ADAM32: variants seen among roughly 807,000 people sequenced by gnomAD.
The protein encoded by ADAM32 is ADAM metallopeptidase domain 32.
In ADAM32, 89 loss-of-function variants were observed where a neutral mutation model predicts 114.9. That is an observed-to-expected ratio of 0.77 (90% CI 0.65 to 0.92). The LOEUF is 0.92. ADAM32 is among the 40% of genes least tolerant of loss of function. The pLI, the probability that ADAM32 is intolerant of heterozygous loss-of-function variation, is 0.00. For missense variants in ADAM32, 870 were observed against 932.8 expected, an observed-to-expected ratio of 0.93 and a Z score of 0.88; for synonymous variants, 285 against 307.5, an observed-to-expected ratio of 0.93 and a Z score of 0.77.
At chr8:39,248,731 G>A (rs1333555211) in intron 17 of ADAM32, among the ~76,000 whole-genome samples, 1 of 152,108 alleles carries the variant, frequency 6.6e-6, no homozygotes, top group East Asian at 1.9e-4. Context: ...TAGGAGTGGT[G>A]AGAGGAGACG....
chr8:39,220,484 A>G (rs1808884517), intron 12 of ADAM32, among the ~76,000 whole-genome samples: 1 of 151,896 alleles, frequency 6.6e-6, no homozygotes, highest in African/African-American at 2.4e-5. Context: ...TTGCCTTTCT[A>G]GTTCCTTGAG....
At chr8:39,182,187 T>C (rs1212349893) in intron 10 of ADAM32, among the ~76,000 whole-genome samples, 1 of 152,218 alleles carries the variant, frequency 6.6e-6, no homozygotes, top group Non-Finnish European at 1.5e-5. Flanking sequence ...AAGGCGACAC[T>C]GTAGTGCACT....
chr8:39,158,933 A>T (rs1228115477), intron 6 of ADAM32, among the ~76,000 whole-genome samples: 8 of 151,780 alleles, frequency 5.3e-5, no homozygotes, highest in African/African-American at 1.7e-4. Context: ...GGTTTCCTTT[A>T]GTTTTTTTTA....
At chr8:39,265,472 T>TG (rs1812293166) in intron 19 of ADAM32, among the ~76,000 whole-genome samples, 1 of 152,224 alleles carries the variant, frequency 6.6e-6, no homozygotes, top group Non-Finnish European at 1.5e-5. Context: ...TGTCTTTAAG[T>TG]GGGGCATTTA....
intron 22 of ADAM32, among the ~76,000 whole-genome samples, 186 bp from the exon 23 acceptor site, chr8:39,280,950 T>A (rs1197138427): frequency 6.6e-6 from 1 of 151,748 alleles, no homozygotes; most frequent in Non-Finnish European, 1.5e-5. Context: ...ACCTGGCTAA[T>A]TTTTTGTATT....
intron 10 of ADAM32, among the ~76,000 whole-genome samples, chr8:39,170,656 A>G (rs1805130825): frequency 6.6e-6 from 1 of 152,088 alleles, no homozygotes; most frequent in Admixed American, 6.6e-5. Flanking sequence ...GAAAATTCAT[A>G]TAATTTTGCA....
At chr8:39,131,949 A>G (rs764584393) in intron 2 of ADAM32, 22 of 276,038 alleles carry the variant, frequency 8.0e-5, no homozygotes, top group Non-Finnish European at 1.4e-4. Flanking sequence ...GCTGGAGTGT[A>G]GTGGCACGAT....
chr8:39,128,523 G>A (rs1272662666), intron 2 of ADAM32, among the ~76,000 whole-genome samples: 1 of 152,186 alleles, frequency 6.6e-6, no homozygotes, highest in Non-Finnish European at 1.5e-5. Flanking sequence ...AACATTTAAT[G>A]TTAGTATTGT....
intron 2 of ADAM32, among the ~76,000 whole-genome samples, chr8:39,123,096 T>A (rs1198553922): frequency 2.0e-5 from 3 of 152,198 alleles, no homozygotes; most frequent in African/African-American, 7.2e-5. Context: ...CAGCACTGTT[T>A]GTAGAAAAGA....
At chr8:39,283,772 T>TC in intron 24 of ADAM32, 148 bp downstream of exon 24, 2 of 71,826 alleles carry the variant, frequency 2.8e-5, no homozygotes, top group Non-Finnish European at 2.6e-5. Flanking sequence ...TCTTTTATTC[T>TC]TTTTTTTTTT....
At chr8:39,216,118 C>T (rs1190663823) in intron 12 of ADAM32, among the ~76,000 whole-genome samples, 1 of 151,906 alleles carries the variant, frequency 6.6e-6, no homozygotes, top group Non-Finnish European at 1.5e-5. Context: ...TTGTTATATA[C>T]TCTTGCTGAA....
intron 6 of ADAM32, among the ~76,000 whole-genome samples, chr8:39,156,697 T>A (rs576527877): frequency 3.2e-4 from 48 of 152,306 alleles, no homozygotes; most frequent in Non-Finnish European, 5.4e-4. Context: ...GTTAACTAAG[T>A]TGTAGTTTCT....
rs1813394011 is a variant in ADAM32, at chr8:39,281,114, ATT to A, written c.2280-21_2280-20del. 8.2e-7 allele frequency: 1 copy of A among 1,222,394 alleles called. No homozygotes were observed. Among genetic ancestry groups the A allele is most frequent in the African/African-American group, 1.6e-5 (1 of 62,906 alleles). The allele number at this position is 1,222,394 out of a possible 1,614,324, so 75.7% of individuals were successfully genotyped here. Reference sequence around the variant, plus strand: ...TTTTAATAATAGATATTTAATATATATTGTTTTTAATTTATTTTTAGATCCAA... The same window carrying A: ...TTTTAATAATAGATATTTAATATATAGTTTTTAATTTATTTTTAGATCCAA... On this transcript the variant is annotated intron_variant, in intron 22 of 24. Coordinates refer to ENST00000379907, the MANE Select transcript of ADAM32 (RefSeq NM_145004.7).
intron 11 of ADAM32, among the ~76,000 whole-genome samples, chr8:39,194,480 T>G (rs1806825164): frequency 6.6e-6 from 1 of 152,044 alleles, no homozygotes; most frequent in Admixed American, 6.5e-5. Context: ...AGCAAAGCAC[T>G]GTAGGTGGTG....
chr8:39,152,614 C>T lies in ADAM32; in HGVS notation c.525+1066C>T, dbSNP rs530880592. ...GCAGACGCCTGTAATCCCAGCTACTCGGGAGCGGAGGCTGAAGAATTGTTT... is the reference window on the plus strand; with the variant it reads ...GCAGACGCCTGTAATCCCAGCTACTTGGGAGCGGAGGCTGAAGAATTGTTT... On this transcript the variant is annotated intron_variant, in intron 6 of 24. Transcript: ENST00000379907. Among the ~76,000 whole-genome samples the T allele has an allele frequency of 3.3e-5, 5 of 151,538 alleles. No individual in the cohort carries two copies. The South Asian group carries it at 1.0e-3, about 32-fold the overall frequency.
chr8:39,197,576 A>T (rs574517851), intron 11 of ADAM32, among the ~76,000 whole-genome samples: 2 of 152,070 alleles, frequency 1.3e-5, no homozygotes, highest in African/African-American at 2.4e-5. Context: ...CATTGACCCA[A>T]TGGTTATTCA....
intron 3 of ADAM32, among the ~76,000 whole-genome samples, chr8:39,139,514 G>A (rs1465908282): frequency 2.0e-5 from 3 of 152,088 alleles, no homozygotes; most frequent in Admixed American, 6.6e-5. Flanking sequence ...TGAGGCCTCC[G>A]TTCTGTTCCA....
intron 2 of ADAM32, among the ~76,000 whole-genome samples, chr8:39,130,323 T>C (rs924312565): frequency 1.2e-4 from 19 of 152,232 alleles, no homozygotes; most frequent in African/African-American, 4.6e-4. Flanking sequence ...GTCCATTTTG[T>C]TGATCTTTTC....
chr8:39,283,820 C>A (rs1813603737), intron 24 of ADAM32, among the ~76,000 whole-genome samples, 196 bp downstream of exon 24: 2 of 141,180 alleles, frequency 1.4e-5, no homozygotes, highest in African/African-American at 2.6e-5. Context: ...GTCGACCAGG[C>A]TGGAGTGCAA....
Sources: gnomAD v4.1 joint callset for allele counts (sites outside exome capture counted in the v4.1 genomes callset) on GRCh38, gnomAD v4.1.1 for gene constraint, MANE v1.5 for transcripts, NCBI Gene and HGNC (gene_info 2026-07-23, HGNC 2026-07-21) for gene names.